The following EYS variants were observed in gnomAD, a reference collection of about 807,000 sequenced individuals.
EYS encodes the protein EGF-like photoreceptor maintenance factor.
EYS carries 250 observed loss-of-function variants against 282.1 expected under a neutral mutation model. That is an observed-to-expected ratio of 0.89 (90% CI 0.80 to 0.98). EYS has a LOEUF of 0.98. EYS is among the 50% of genes least tolerant of loss of function. The probability of loss-of-function intolerance (pLI) is 0.00; values close to 1 mark genes in which losing one functional copy is unlikely to be tolerated. For missense variants in EYS, 4,016 were observed against 3,709.0 expected, an observed-to-expected ratio of 1.08 and a Z score of -2.15; for synonymous variants, 1,355 against 1,282.9, an observed-to-expected ratio of 1.06 and a Z score of -1.20.
chr6:65,556,387 T>TTGTGTGTGTGTGTGTGTGTGTGTGTG (rs10602177), intron 2 of EYS, among the ~76,000 whole-genome samples: 11 of 148,930 alleles, frequency 7.4e-5, no homozygotes, highest in East Asian at 2.0e-4. Flanking sequence ...ACTGCTGGGT[T>TTGTGTGTGTGTGTGTGTGTGTGTGTG]TGTGTGTGTG....
chr6:64,444,602 T>C (rs968379685), intron 26 of EYS, among the ~76,000 whole-genome samples: 1 of 152,224 alleles, frequency 6.6e-6, no homozygotes, highest in Non-Finnish European at 1.5e-5. Context: ...GCTGGATTTA[T>C]CATTCTATTC....
chr6:64,516,182 G>A (rs936334526), intron 26 of EYS, among the ~76,000 whole-genome samples: 1 of 151,674 alleles, frequency 6.6e-6, no homozygotes, highest in African/African-American at 2.4e-5. Context: ...AAGGTGAGAG[G>A]AGGGAGAGAA....
chr6:64,078,646 G>A (rs1771853091), intron 32 of EYS, among the ~76,000 whole-genome samples: 1 of 152,012 alleles, frequency 6.6e-6, no homozygotes, highest in South Asian at 2.1e-4. Context: ...GCTTTGATGT[G>A]TCCGGTACTA....
intron 26 of EYS, among the ~76,000 whole-genome samples, chr6:64,539,883 C>G (rs548845655): frequency 6.6e-6 from 1 of 152,344 alleles, no homozygotes; most frequent in African/African-American, 2.4e-5. Flanking sequence ...ATTTCCTAGA[C>G]AGTTCAGATT....
At chr6:64,155,990 A>ATGTG (rs141895339) in intron 31 of EYS, among the ~76,000 whole-genome samples, 3 of 148,336 alleles carry the variant, frequency 2.0e-5, no homozygotes, top group Admixed American at 6.8e-5. Flanking sequence ...ATATATATAT[A>ATGTG]TGTGTGTGTG....
intron 21 of EYS, among the ~76,000 whole-genome samples, chr6:64,814,086 C>T (rs1764678586): frequency 6.6e-6 from 1 of 152,002 alleles, no homozygotes; most frequent in East Asian, 1.9e-4. Flanking sequence ...GCTAAAACAT[C>T]TGTAATAGCT....
intron 11 of EYS, among the ~76,000 whole-genome samples, chr6:65,322,795 C>CAAAAA (rs57571912): frequency 4.2e-5 from 3 of 71,584 alleles, no homozygotes; most frequent in African/African-American, 1.5e-4. Context: ...GAATCCGTCT[C>CAAAAA]AAAAAAAAAA....
At chr6:65,564,173 A>C (rs1173466525) in intron 2 of EYS, among the ~76,000 whole-genome samples, 1 of 152,182 alleles carries the variant, frequency 6.6e-6, no homozygotes, top group Non-Finnish European at 1.5e-5. Context: ...GGAATAACCA[A>C]TATTGAAAAA....
At chr6:64,452,726 T>G (rs1251846169) in intron 26 of EYS, among the ~76,000 whole-genome samples, 1 of 152,166 alleles carries the variant, frequency 6.6e-6, no homozygotes, top group African/African-American at 2.4e-5. Flanking sequence ...CCATCTGATC[T>G]TTGACAAATC....
At chr6:63,784,360 G>A (rs764182089) in intron 39 of EYS, among the ~76,000 whole-genome samples, 1 of 152,176 alleles carries the variant, frequency 6.6e-6, no homozygotes, top group Admixed American at 6.5e-5. Flanking sequence ...AAAAATCAGT[G>A]GAAGCGAGTT....
rs78237380 is a variant in EYS at position 65,587,685 on chromosome 6, TG to T, written c.-333+52092del. Among the ~76,000 whole-genome samples, 772 of 152,212 alleles carry T rather than the reference TG, an allele frequency of 5.1e-3. 19 individuals are homozygous for T. The East Asian group carries it at 0.075, about 15-fold the overall frequency. On this transcript the variant is annotated intron_variant, in intron 2 of 42. Transcript: ENST00000503581. ...AAGGCGAACATAAATCCCTTTCTAT[TG>T]GGACAACAGTATTTGGAGTTAAGAG...
intron 7 of EYS, among the ~76,000 whole-genome samples, chr6:65,392,514 T>C (rs1355543752): frequency 6.6e-6 from 1 of 152,114 alleles, no homozygotes; most frequent in Non-Finnish European, 1.5e-5. Flanking sequence ...GGGAGAAGGA[T>C]ATGAAAAGAC....
intron 2 of EYS, among the ~76,000 whole-genome samples, chr6:65,575,102 C>T (rs2127355776): frequency 6.6e-6 from 1 of 152,118 alleles, no homozygotes; most frequent in South Asian, 2.1e-4. Flanking sequence ...GCATGGATCA[C>T]TTGAGGTCAG....
chr6:64,748,360 G>A (rs1399662605), intron 22 of EYS, among the ~76,000 whole-genome samples: 2 of 152,160 alleles, frequency 1.3e-5, no homozygotes, highest in Non-Finnish European at 2.9e-5. Flanking sequence ...CCACAGACAG[G>A]GTGAGGAGGA....
At chr6:63,871,769 CA>C (rs1193747861) in intron 35 of EYS, among the ~76,000 whole-genome samples, 1 of 152,162 alleles carries the variant, frequency 6.6e-6, no homozygotes, top group African/African-American at 2.4e-5. Flanking sequence ...TTCCCTTTGC[CA>C]ACTGGGGGGA....
intron 2 of EYS, among the ~76,000 whole-genome samples, chr6:65,628,127 G>A (rs571273749): frequency 3.3e-5 from 5 of 152,232 alleles, no homozygotes; most frequent in African/African-American, 7.2e-5. Flanking sequence ...GTATCTAGCT[G>A]CTCTGGTGGG....
intron 26 of EYS, among the ~76,000 whole-genome samples, chr6:64,559,938 T>C (rs1765345433): frequency 6.6e-6 from 1 of 152,132 alleles, no homozygotes; most frequent in Non-Finnish European, 1.5e-5. Context: ...TGGGACCCAG[T>C]GTGTGTTGTT....
At chr6:65,573,228 A>T (rs2127354230) in intron 2 of EYS, among the ~76,000 whole-genome samples, 1 of 152,262 alleles carries the variant, frequency 6.6e-6, no homozygotes, top group African/African-American at 2.4e-5. Context: ...TGAATCTGCC[A>T]CAACATGTTG....
chr6:63,818,140 G>T (rs1004915568), intron 36 of EYS, among the ~76,000 whole-genome samples: 8 of 152,184 alleles, frequency 5.3e-5, no homozygotes, highest in African/African-American at 1.9e-4. Context: ...GTTTTGTCAT[G>T]AAGGAAACAG....
Sources: allele counts gnomAD v4.1 joint callset (sites outside exome capture counted in the v4.1 genomes callset), GRCh38; gene constraint gnomAD v4.1.1; transcripts MANE v1.5; gene names NCBI Gene and HGNC (gene_info 2026-07-23, HGNC 2026-07-21).